Variants in PRPF4 observed in about 807,000 individuals in gnomAD.
PRPF4 encodes the protein U4/U6 small nuclear ribonucleoprotein Prp4.
Under a neutral mutation model 72.2 loss-of-function variants are expected in PRPF4, and 14 were observed. The ratio of observed to expected loss-of-function variants is 0.19; its 90% CI spans 0.13 to 0.30. PRPF4 has a LOEUF of 0.30. PRPF4 is among the 10% of genes least tolerant of loss of function. PRPF4 has a pLI of 1.00. For synonymous variants in PRPF4, 225 were observed against 232.2 expected, an observed-to-expected ratio of 0.97 and a Z score of 0.28; for missense variants, 478 against 653.9, an observed-to-expected ratio of 0.73 and a Z score of 2.93.
In PRPF4 at chr9:113,286,731, G is replaced by A. The variant is rs1418493643; in HGVS notation, c.835G>A (p.Val279Ile). ...RGHNTNVGAI[V>I]FHPKSTVSLD... is the part of the protein sequence containing the mutation. The stretch of plus-strand genomic sequence containing the variant: ...GCATAACACAAATGTAGGAGCAATT[G>A]TATTCCATCCCAAATCCACTGTCTC... Residue 279 changes from valine (V) to isoleucine (I), a missense_variant, in exon 9 of 14, where the codon GTA becomes ATA. Physicochemically the swap from Val to Ile is conservative, Grantham distance 29 (BLOSUM62 3). Transcript: ENST00000374198. 2.5e-6 allele frequency: 4 copies of A among 1,614,128 alleles called. No homozygotes were observed. The South Asian group carries it at 4.4e-5, about 18-fold the overall frequency.
chr9:113,284,920 T>G (rs1242146080), intron 7 of PRPF4, among the ~76,000 whole-genome samples: 2 of 152,154 alleles, frequency 1.3e-5, no homozygotes, highest in Non-Finnish European at 2.9e-5. Context: ...GTAACTTTGT[T>G]GTTTTGTTTG....
chr9:113,288,172 C>T lies in PRPF4; in HGVS notation c.933-3C>T, dbSNP rs1464530833. 1 of 1,613,790 alleles carries T rather than the reference C, an allele frequency of 6.2e-7. No homozygotes were observed. Among genetic ancestry groups the T allele is most frequent in the Non-Finnish European group, 8.5e-7 (1 of 1,179,846 alleles). ...ATTGTTTATATGTTTGGTTCCTTTCCAGTGATGAACCAGTGGCAGATATTG... is the reference window on the plus strand; with the variant it reads ...ATTGTTTATATGTTTGGTTCCTTTCTAGTGATGAACCAGTGGCAGATATTG... On this transcript the variant is annotated splice_polypyrimidine_tract_variant and splice_region_variant and intron_variant, in intron 9 of 13. Transcript: ENST00000374198.
intron 3 of PRPF4, among the ~76,000 whole-genome samples, chr9:113,281,371 A>G (rs778568404): frequency 9.9e-5 from 15 of 152,062 alleles, no homozygotes; most frequent in Admixed American, 1.3e-4. Context: ...CTTATTCATT[A>G]TTATGTTCCT....
intron 7 of PRPF4, among the ~76,000 whole-genome samples, chr9:113,285,026 A>T (rs73655856): frequency 0.015 from 2,305 of 152,124 alleles, 62 homozygotes; most frequent in African/African-American, 0.053. Context: ...TGACCTTTAG[A>T]TGGGTTCAGG....
At position 113,290,836 on chromosome 9, in the gene PRPF4, A is replaced by C. The variant is rs369862496; in HGVS notation, c.1253+29A>C. 1.4e-5 allele frequency: 22 copies of C among 1,611,862 alleles called. No homozygotes were observed. In the African/African-American group the frequency reaches 2.4e-4, roughly 18 times the overall value. ...AAATAAACACACTGAATGAGGGGCG[A>C]AAAAGGGTTCTGGGTCAGTAAGTAC... On this transcript the variant is annotated intron_variant, in intron 12 of 13. Coordinates refer to ENST00000374198, the MANE Select transcript of PRPF4 (RefSeq NM_001244926.2).
chr9:113,278,563 G>A (rs928500583), intron 2 of PRPF4, among the ~76,000 whole-genome samples: 1 of 152,110 alleles, frequency 6.6e-6, no homozygotes, highest in African/African-American at 2.4e-5. Flanking sequence ...CCCTATACTG[G>A]GTCTCCTTTC....
Position 113,286,891 on chromosome 9 carries a change from C to T in PRPF4, c.932+63C>T. On this transcript the variant is annotated intron_variant, in intron 9 of 13. Coordinates refer to ENST00000374198, the MANE Select transcript of PRPF4 (RefSeq NM_001244926.2). ...TAAAGTAGATGTTTGATTGGTTGGT[C>T]CCCAGGACCTCAGTAAAAATCTGGC... 4.4e-6 allele frequency: 7 copies of T among 1,608,608 alleles called. No homozygotes were observed. In the South Asian group the frequency reaches 6.6e-5, roughly 15 times the overall value.
At chr9:113,284,846 T>C (rs1832388665) in intron 7 of PRPF4, among the ~76,000 whole-genome samples, 2 of 152,192 alleles carry the variant, frequency 1.3e-5, no homozygotes, top group Non-Finnish European at 2.9e-5. Context: ...TCGTTAAACG[T>C]TAATTATTGG....
At chr9:113,283,897 GTC>G (rs1181125659) in intron 6 of PRPF4, among the ~76,000 whole-genome samples, 1 of 151,878 alleles carries the variant, frequency 6.6e-6, no homozygotes, top group East Asian at 1.9e-4. Flanking sequence ...GTGAAACCCT[GTC>G]TCTACTAAAA....
At chr9:113,277,329 C>T (rs1832139246) in intron 2 of PRPF4, among the ~76,000 whole-genome samples, 4 of 152,082 alleles carry the variant, frequency 2.6e-5, no homozygotes, top group African/African-American at 9.7e-5. Context: ...TAGAGTGGTT[C>T]ATGATATTCT....
intron 7 of PRPF4, 48 bp from the exon 8 acceptor site, chr9:113,286,184 C>T: frequency 6.2e-7 from 1 of 1,607,094 alleles, no homozygotes; most frequent in Non-Finnish European, 8.5e-7. Context: ...GGTACCTTTT[C>T]CTTCCCAGAC....
chr9:113,284,183 A>T, intron 6 of PRPF4, 112 bp from the exon 7 acceptor site: 2 of 716,784 alleles, frequency 2.8e-6, no homozygotes, highest in Non-Finnish European at 4.6e-6. Flanking sequence ...GAATCTTGGG[A>T]TGGGTTAAAA....
intron 3 of PRPF4, among the ~76,000 whole-genome samples, chr9:113,280,501 C>G (rs1288340015): frequency 6.6e-6 from 1 of 152,202 alleles, no homozygotes; most frequent in Admixed American, 6.5e-5. Context: ...TGCCTAGCCT[C>G]CTTTATAATC....
chr9:113,282,077 G>C (rs75772782), intron 3 of PRPF4, among the ~76,000 whole-genome samples: 7,154 of 152,190 alleles, frequency 0.047, 541 homozygotes, highest in African/African-American at 0.16. Flanking sequence ...AAACTGTATA[G>C]AGTAATTGCT....
Position 113,291,671 on chromosome 9 carries a change from G to GA in PRPF4, c.*15dup. ...TGGATGGCTGAATAGATGACAATGG[G>GA]AAAAGGACTTGAACCTCAAGCTCTC... On this transcript the variant is annotated 3_prime_UTR_variant, in exon 14 of 14. Transcript: ENST00000374198. 1 of 1,612,974 alleles carries GA rather than the reference G, an allele frequency of 6.2e-7. No individual in the cohort carries two copies. The highest frequency in any genetic ancestry group is 8.5e-7 in the Non-Finnish European group (1 of 1,179,120).
chr9:113,282,260 C>T (rs760932492), intron 3 of PRPF4, among the ~76,000 whole-genome samples: 1 of 152,104 alleles, frequency 6.6e-6, no homozygotes, highest in Non-Finnish European at 1.5e-5. Context: ...ATCACTTGAG[C>T]CCAGAAGTTC....
chr9:113,279,025 C>G lies in PRPF4; in HGVS notation c.286C>G (p.Arg96Gly). ...LAEFERRKRA[R>G]QINVSTDDSE... ...TGAGTTTGAGAGAAGGAAGCGAGCCCGGCAGATCAATGTTTCCACAGATGA... is the reference window on the plus strand; with the variant it reads ...TGAGTTTGAGAGAAGGAAGCGAGCCGGGCAGATCAATGTTTCCACAGATGA... Residue 96 changes from arginine to glycine, a missense_variant, in exon 3 of 14, where the codon CGG becomes GGG. Transcript: ENST00000374198. 1 of 1,614,166 alleles carries G rather than the reference C, an allele frequency of 6.2e-7. No individual in the cohort carries two copies. The highest frequency in any genetic ancestry group is 8.5e-7 in the Non-Finnish European group (1 of 1,180,022).
chr9:113,279,726 G>T (rs552820318), intron 3 of PRPF4, among the ~76,000 whole-genome samples: 16 of 152,020 alleles, frequency 1.1e-4, no homozygotes, highest in Admixed American at 6.6e-5. Context: ...GTGCTAACAT[G>T]CTCCCTTGCC....
chr9:113,291,405 C>T, intron 13 of PRPF4, 62 bp from the exon 14 acceptor site: 2 of 1,486,534 alleles, frequency 1.3e-6, no homozygotes, highest in Non-Finnish European at 9.2e-7. Context: ...GACTTTTGTG[C>T]TTTTGTCTTC....
Sources: gnomAD v4.1 joint callset for allele counts (sites outside exome capture counted in the v4.1 genomes callset) on GRCh38, gnomAD v4.1.1 for gene constraint, MANE v1.5 for transcripts, NCBI Gene and HGNC (gene_info 2026-07-23, HGNC 2026-07-21) for gene names.